IPMK: variants seen among roughly 807,000 people sequenced by gnomAD.
The protein encoded by IPMK is inositol polyphosphate multikinase.
IPMK carries 17 observed loss-of-function variants against 45.8 expected under a neutral mutation model. The observed-to-expected ratio is 0.37, with a 90% CI of 0.25 to 0.56. IPMK has a LOEUF of 0.56. IPMK is among the 20% of genes least tolerant of loss of function. The pLI is 0.79. For synonymous variants in IPMK, 180 were observed against 184.3 expected (o/e 0.98, Z 0.19); for missense variants, 399 against 498.0 (o/e 0.80, Z 1.89).
intron 4 of IPMK, among the ~76,000 whole-genome samples, chr10:58,203,798 G>A (rs1272276052): frequency 6.6e-6 from 1 of 152,180 alleles, no homozygotes; most frequent in Non-Finnish European, 1.5e-5. Flanking sequence ...GTTCTACTGT[G>A]GGTAAAATTC....
At chr10:58,204,192 T>A (rs184454154) in intron 4 of IPMK, among the ~76,000 whole-genome samples, 1 of 152,030 alleles carries the variant, frequency 6.6e-6, no homozygotes, top group South Asian at 2.1e-4. Context: ...CAAGACCCCA[T>A]CTCTATAAAA....
intron 1 of IPMK, among the ~76,000 whole-genome samples, chr10:58,254,372 ATCTC>A (rs1187866102): frequency 6.6e-6 from 1 of 151,950 alleles, no homozygotes; most frequent in Non-Finnish European, 1.5e-5. Context: ...CATTTATAGG[ATCTC>A]TCTCTTTTTT....
intron 3 of IPMK, among the ~76,000 whole-genome samples, chr10:58,217,427 G>A (rs993425317): frequency 2.6e-5 from 4 of 151,334 alleles, no homozygotes; most frequent in Non-Finnish European, 4.4e-5. Flanking sequence ...GGTACCTCAC[G>A]CCTGTAATCC....
rs373891133 is a variant in IPMK, at chr10:58,194,513, A to G, written c.*1563T>C. 1 of 151,892 alleles carries G rather than the reference A, an allele frequency of 6.6e-6. No individual in the cohort carries two copies. Among genetic ancestry groups the G allele is most frequent in the Non-Finnish European group, 1.5e-5 (1 of 67,782 alleles). 9.4% of individuals were successfully genotyped at this position (151,892 alleles called of 1,614,324 possible). A position where few individuals can be genotyped will look rare whatever the true frequency, so the allele number is the denominator to read the frequency against. On this transcript the variant is annotated 3_prime_UTR_variant, in exon 6 of 6. Coordinates refer to ENST00000373935, the MANE Select transcript of IPMK (RefSeq NM_152230.5). ...TTCAGGTTTAATAGATTTACTAAGG[A>G]TAGAGTTCATAGAGCATTTAGTTGG...
intron 4 of IPMK, among the ~76,000 whole-genome samples, chr10:58,203,797 T>C (rs1619597): frequency 0.083 from 12,609 of 152,270 alleles, 1,323 homozygotes; most frequent in African/African-American, 0.25. Context: ...AGTTCTACTG[T>C]GGGTAAAATT....
chr10:58,203,284 C>A (rs1255521990), intron 4 of IPMK, among the ~76,000 whole-genome samples: 2 of 152,114 alleles, frequency 1.3e-5, no homozygotes, highest in Non-Finnish European at 2.9e-5. Flanking sequence ...CATGATAAAC[C>A]GTGAATGGAT....
intron 4 of IPMK, among the ~76,000 whole-genome samples, chr10:58,205,623 T>C (rs557632338): frequency 6.6e-6 from 1 of 152,220 alleles, no homozygotes; most frequent in East Asian, 1.9e-4. Flanking sequence ...AACTAAGCTA[T>C]GAGTAAACAA....
chr10:58,237,956 C>T, intron 1 of IPMK, 142 bp from the exon 2 acceptor site: 2 of 631,746 alleles, frequency 3.2e-6, no homozygotes, highest in South Asian at 3.9e-5. Flanking sequence ...GAAATTTTAA[C>T]ATTCAACCAA....
At chr10:58,237,318 G>A (rs148827997) in intron 2 of IPMK, among the ~76,000 whole-genome samples, 9 of 152,226 alleles carry the variant, frequency 5.9e-5, no homozygotes, top group Non-Finnish European at 1.0e-4. Context: ...TAGGCTCCAG[G>A]AACCATTCTC....
At position 58,194,270 on chromosome 10, in the gene IPMK, A is replaced by C. The variant is rs1418585888; in HGVS notation, c.*1806T>G. 1 of 151,850 alleles carries C rather than the reference A, an allele frequency of 6.6e-6. No individual in the cohort carries two copies. The highest frequency in any genetic ancestry group is 1.5e-5 in the Non-Finnish European group (1 of 67,760). The allele number at this position is 151,850 out of a possible 1,614,324, so 9.4% of individuals were successfully genotyped here. A position where few individuals can be genotyped will look rare whatever the true frequency, so the allele number is the denominator to read the frequency against. ...CTTAAGATTTATTGAACCACTATCC[A>C]AATAACAACAAAATCCATATTGTAA... On this transcript the variant is annotated 3_prime_UTR_variant, in exon 6 of 6. Transcript: ENST00000373935.
chr10:58,252,611 CTTTTT>C (rs113777957), intron 1 of IPMK, among the ~76,000 whole-genome samples: 1 of 111,248 alleles, frequency 9.0e-6, no homozygotes, highest in Non-Finnish European at 1.8e-5. Context: ...GTTTTCTTTT[CTTTTT>C]TTTTTTTTTT....
chr10:58,212,937 C>G (rs953637033), intron 4 of IPMK: 3 of 216,278 alleles, frequency 1.4e-5, no homozygotes, highest in African/African-American at 6.9e-5. Context: ...CCATATTCCC[C>G]TCCACCACCA....
intron 2 of IPMK, among the ~76,000 whole-genome samples, chr10:58,237,404 T>A (rs1276864016): frequency 6.6e-6 from 1 of 152,238 alleles, no homozygotes; most frequent in Non-Finnish European, 1.5e-5. Flanking sequence ...CTTACCTTTG[T>A]AAATAGTCCC....
intron 1 of IPMK, among the ~76,000 whole-genome samples, chr10:58,244,581 G>A (rs1838766005): frequency 6.6e-6 from 1 of 152,014 alleles, no homozygotes; most frequent in Non-Finnish European, 1.5e-5. Context: ...GACGATGGTG[G>A]TTTTGTCGAA....
intron 1 of IPMK, among the ~76,000 whole-genome samples, chr10:58,261,019 A>G (rs1049088683): frequency 9.9e-5 from 15 of 151,884 alleles, no homozygotes; most frequent in African/African-American, 3.6e-4. Context: ...AACTTGAATC[A>G]AGATCGTGAA....
At chr10:58,256,073 A>G (rs1838963061) in intron 1 of IPMK, among the ~76,000 whole-genome samples, 1 of 152,180 alleles carries the variant, frequency 6.6e-6, no homozygotes, top group African/African-American at 2.4e-5. Flanking sequence ...TTTGTAAAGC[A>G]TGTGTGTTTA....
At chr10:58,206,188 C>G (rs186349651) in intron 4 of IPMK, among the ~76,000 whole-genome samples, 1 of 151,288 alleles carries the variant, frequency 6.6e-6, no homozygotes, top group East Asian at 1.9e-4. Flanking sequence ...ATCAAAGAAG[C>G]CAGTCACAAA....
intron 4 of IPMK, among the ~76,000 whole-genome samples, chr10:58,205,689 G>C (rs1406630574): frequency 1.3e-5 from 2 of 152,104 alleles, no homozygotes; most frequent in Non-Finnish European, 2.9e-5. Flanking sequence ...AGAGTGGGAA[G>C]GGTGGCTAGG....
intron 1 of IPMK, among the ~76,000 whole-genome samples, chr10:58,243,912 T>C (rs1174311944): frequency 7.3e-6 from 1 of 137,736 alleles, no homozygotes; most frequent in Non-Finnish European, 1.6e-5. Context: ...CCACCCCGTC[T>C]AGGAAGTGAG....
Sources: allele counts gnomAD v4.1 joint callset (sites outside exome capture counted in the v4.1 genomes callset), GRCh38; gene constraint gnomAD v4.1.1; transcripts MANE v1.5; gene names NCBI Gene and HGNC (gene_info 2026-07-23, HGNC 2026-07-21).